PLA2G4F: variants seen among roughly 807,000 people sequenced by gnomAD.
The protein encoded by PLA2G4F is cytosolic phospholipase A2 zeta.
Under a neutral mutation model 103.1 loss-of-function variants are expected in PLA2G4F, and 105 were observed. The observed-to-expected ratio is 1.02, with a 90% CI of 0.87 to 1.20. The LOEUF (loss-of-function observed/expected upper bound fraction) is 1.20, where lower values mean the gene tolerates loss of function less well. Ranked by LOEUF, PLA2G4F falls within the 50% of genes most tolerant of loss-of-function variation. The pLI, the probability that PLA2G4F is intolerant of heterozygous loss-of-function variation, is 0.00. For missense variants in PLA2G4F, 1,155 were observed against 1,075.9 expected (o/e 1.07, Z -1.03); for synonymous variants, 468 against 441.1 (o/e 1.06, Z -0.76).
rs2048852093 is a variant in PLA2G4F at position 42,144,023 on chromosome 15, C to A, written c.2097G>T (p.Val699=). ...AATAGTCAAAGGACAGAATGAGGTC[C>A]ACTGCTCTCTGAGGCAGCAGAGCCA... ...FPLALLPQRA[V]DLILSFDYSL... The change falls in exon 18 of 20, where the codon GTG becomes GTT. Residue 699 remains valine, a synonymous_variant. Transcript: ENST00000397272. The A allele has an allele frequency of 4.3e-6, 7 of 1,613,708 alleles. No homozygotes were observed. The highest frequency in any genetic ancestry group is 5.9e-6 in the Non-Finnish European group (7 of 1,179,902).
chr15:42,153,231 TG>T, intron 6 of PLA2G4F, 68 bp downstream of exon 6: 1 of 1,510,184 alleles, frequency 6.6e-7, no homozygotes, highest in Non-Finnish European at 9.0e-7. Flanking sequence ...CTGGGCCTGA[TG>T]GGCCCTGTCA....
In PLA2G4F at chr15:42,139,797, TCCTGCCC is replaced by T. The variant is rs146852255; in HGVS notation, c.*2180_*2186del. The T allele has an allele frequency of 9.5e-3, 1,453 of 152,870 alleles. 52 individuals are homozygous for T. In the East Asian group the frequency reaches 0.13, roughly 13 times the overall value. The allele number at this position is 152,870 out of a possible 1,614,324, so 9.5% of individuals were successfully genotyped here. A position where few individuals can be genotyped will look rare whatever the true frequency, so the allele number is the denominator to read the frequency against. On this transcript the variant is annotated 3_prime_UTR_variant, in exon 20 of 20. Coordinates refer to ENST00000397272, the MANE Select transcript of PLA2G4F (RefSeq NM_213600.4). ...TCTGGGCCACAGCACTAGCCCAGCC[TCCTGCCC>T]CCTGCCCCCTGCCCTTGATCTTGTC...
intron 8 of PLA2G4F, 23 bp downstream of exon 8, chr15:42,150,585 G>A (rs745569918): frequency 9.4e-6 from 15 of 1,596,768 alleles, no homozygotes; most frequent in East Asian, 6.7e-5. Context: ...TGGATCTACC[G>A]ACCATCCTGG....
intron 11 of PLA2G4F, chr15:42,148,735 G>A (rs1007725938): frequency 1.3e-5 from 13 of 985,412 alleles, no homozygotes; most frequent in African/African-American, 5.2e-5. Flanking sequence ...AGGGGTCAGA[G>A]TCCATGCTTT....
chr15:42,150,636 T>A lies in PLA2G4F; in HGVS notation c.743A>T (p.Glu248Val). 2 of 1,612,626 alleles carry A rather than the reference T, an allele frequency of 1.2e-6. No homozygotes were observed. The highest frequency in any genetic ancestry group is 1.7e-6 in the Non-Finnish European group (2 of 1,179,330). The stretch of plus-strand genomic sequence containing the variant: ...CACAGCTGCCAGCAGCTCCATCAGC[T>A]CCACGTGTAGCCTGGAGCTCAGCAC... ...NPVLSSRLHV[E>V]LMELLAAVQS... The change falls in exon 8 of 20, where the codon GAG (glutamate) becomes GTG (valine). Residue 248 changes from glutamate to valine, a missense_variant. By Grantham distance (121) the Glu-to-Val change is moderately radical (BLOSUM62 -2). This residue lies in a region of PLA2G4F where 370 missense variants were observed against 364.9 expected (regional missense o/e 1.01). Transcript: ENST00000397272.
At position 42,148,033 on chromosome 15, in the gene PLA2G4F, G is replaced by C. The variant is rs2048912551; in HGVS notation, c.1060-271C>G. 2.0e-5 allele frequency among the ~76,000 whole-genome samples: 3 copies of C among 152,074 alleles called. No homozygotes were observed. In the South Asian group the frequency reaches 6.2e-4, roughly 32 times the overall value. On this transcript the variant is annotated intron_variant, in intron 11 of 19. Coordinates refer to ENST00000397272, the MANE Select transcript of PLA2G4F (RefSeq NM_213600.4). Reference sequence around the variant, plus strand: ...CTCTACTAAAACTACAAAAAAATTAGCCGGGCATGGTGGTGGGCGCCTGCC... The same window carrying C: ...CTCTACTAAAACTACAAAAAAATTACCCGGGCATGGTGGTGGGCGCCTGCC...
At chr15:42,155,099 ACATACACACTCACGTT>A (rs930539091) in intron 2 of PLA2G4F, among the ~76,000 whole-genome samples, 17 of 118,884 alleles carry the variant, frequency 1.4e-4, no homozygotes, top group Non-Finnish European at 4.9e-5. Context: ...ACGTATACAC[ACATACACACTCACGTT>A]CACACACACT....
At chr15:42,152,565 C>T (rs2048971458) in intron 7 of PLA2G4F, 123 bp downstream of exon 7, 6 of 1,023,568 alleles carry the variant, frequency 5.9e-6, no homozygotes, top group East Asian at 2.6e-5. Context: ...TCCATCCCAT[C>T]GTTAGTCGGC....
At chr15:42,142,846 G>T in intron 18 of PLA2G4F, 132 bp from the exon 19 acceptor site, 2 of 926,656 alleles carry the variant, frequency 2.2e-6, no homozygotes, top group Non-Finnish European at 3.3e-6. Context: ...GCAGGTGACA[G>T]CTCCTTTCTG....
Position 42,144,154 on chromosome 15 carries a change from AC to A in PLA2G4F, c.1976-11del. 6.3e-7 allele frequency: 1 copy of A among 1,598,564 alleles called. No individual in the cohort carries two copies. Among genetic ancestry groups the A allele is most frequent in the South Asian group, 1.1e-5 (1 of 88,734 alleles). On this transcript the variant is annotated splice_polypyrimidine_tract_variant and intron_variant, in intron 17 of 19. Coordinates refer to ENST00000397272, the MANE Select transcript of PLA2G4F (RefSeq NM_213600.4). ...GCGTCCGGGTGTGTGTCTGCAAGGA[AC>A]CCATGTGTACGCACAGGGACGAATG...
chr15:42,149,807 T>A lies in PLA2G4F; in HGVS notation c.965A>T (p.Asp322Val). The A allele has an allele frequency of 6.2e-7, 1 of 1,614,122 alleles. No homozygotes were observed. The stretch of plus-strand genomic sequence containing the variant: ...CCTGTCCAGAAACTCCTGCTCCCCG[T>A]CAGAGAGGTCAAAGCCAAGGCGTAG... ...LDLRLGFDLSDGEQEFLDRRK... is the reference protein window; with the variant it reads ...LDLRLGFDLSVGEQEFLDRRK... Residue 322 changes from aspartate (D) to valine (V), a missense_variant, in exon 11 of 20, where the codon GAC (aspartate) becomes GTC (valine). By Grantham distance (152) the Asp-to-Val change is radical. Around this residue, in one of 3 missense-constraint regions of PLA2G4F, gnomAD observed 782 missense variants for 692.9 expected, o/e 1.13. Coordinates refer to ENST00000397272, the MANE Select transcript of PLA2G4F (RefSeq NM_213600.4).
chr15:42,148,378 A>G (rs1334812365), intron 11 of PLA2G4F, among the ~76,000 whole-genome samples: 1 of 152,160 alleles, frequency 6.6e-6, no homozygotes, highest in Non-Finnish European at 1.5e-5. Context: ...CCCCAAAATC[A>G]GCTACAGCAG....
chr15:42,151,719 A>G lies in PLA2G4F; in HGVS notation c.602-942T>C, dbSNP rs1324240928. Reference sequence around the variant, plus strand: ...TATTCATGCCAAGGCCTATGGACTGAGATGGAGACGTGCTATTCATAAGAA... The same window carrying G: ...TATTCATGCCAAGGCCTATGGACTGGGATGGAGACGTGCTATTCATAAGAA... On this transcript the variant is annotated intron_variant, in intron 7 of 19. Transcript: ENST00000397272. 3.3e-6 allele frequency: 3 copies of G among 909,796 alleles called. No homozygotes were observed. The African/African-American group carries it at 5.4e-5, about 16-fold the overall frequency. The allele number at this position is 909,796 out of a possible 1,614,324, so 56.4% of individuals were successfully genotyped here.
Position 42,143,991 on chromosome 15 carries a change from T to C in PLA2G4F, c.2129A>G (p.Glu710Gly), listed in dbSNP as rs1304174243. Reference protein sequence around the residue: ...DLILSFDYSLEAPFEVLKMTE... With the variant: ...DLILSFDYSLGAPFEVLKMTE... ...CTCCCAGCTCACCTCAAAAGGGGCT[T>C]CCAAGGAATAGTCAAAGGACAGAAT... The change falls in exon 18 of 20, where the codon GAA becomes GGA. Residue 710 changes from glutamate (E) to glycine (G), a missense_variant. Glu to Gly is a moderately conservative substitution (Grantham distance 98). This residue lies in a region of PLA2G4F where 782 missense variants were observed against 692.9 expected (regional missense o/e 1.13). Coordinates refer to ENST00000397272, the MANE Select transcript of PLA2G4F (RefSeq NM_213600.4). The C allele has an allele frequency of 1.2e-5, 20 of 1,605,728 alleles. No homozygotes were observed. Among genetic ancestry groups the C allele is most frequent in the Non-Finnish European group, 1.7e-5 (20 of 1,175,126 alleles).
intron 2 of PLA2G4F, among the ~76,000 whole-genome samples, chr15:42,154,968 C>T (rs139890704): frequency 2.3e-3 from 347 of 152,204 alleles, no homozygotes; most frequent in African/African-American, 7.7e-3. Flanking sequence ...CACTCATGCA[C>T]GCACACATGT....
rs1012721670 is a variant in PLA2G4F at position 42,154,639 on chromosome 15, C to T, written c.185-181G>A. The T allele has an allele frequency of 1.0e-5, 6 of 597,748 alleles. No homozygotes were observed. The Admixed American group carries it at 1.8e-4, about 18-fold the overall frequency. 37.0% of individuals were successfully genotyped at this position (597,748 alleles called of 1,614,324 possible). A position where few individuals can be genotyped will look rare whatever the true frequency, so the allele number is the denominator to read the frequency against. On this transcript the variant is annotated intron_variant, in intron 2 of 19. Transcript: ENST00000397272. ...TCTTTCACTCCATCTTGATTCCACA[C>T]ACCTCCCATTCACCTGAACAGAAAT... is the stretch of plus-strand genomic sequence containing the variant.
intron 5 of PLA2G4F, 102 bp downstream of exon 5, chr15:42,153,518 C>A: frequency 6.6e-7 from 1 of 1,525,164 alleles, no homozygotes; most frequent in South Asian, 1.2e-5. Flanking sequence ...TGCCTCCAGG[C>A]CAGGCCTCCA....
chr15:42,153,031 G>T (rs2048975697), intron 6 of PLA2G4F, among the ~76,000 whole-genome samples: 1 of 152,232 alleles, frequency 6.6e-6, no homozygotes, highest in Admixed American at 6.5e-5. Flanking sequence ...GAGTTGAGGG[G>T]CCATGACAGT....
chr15:42,150,836 G>T (rs1225027497), intron 7 of PLA2G4F, 59 bp from the exon 8 acceptor site: 10 of 1,557,952 alleles, frequency 6.4e-6, no homozygotes, highest in South Asian at 2.4e-5. Context: ...TGTCTCTGCG[G>T]CTTATGCTGG....
Sources: gnomAD v4.1 joint callset for allele counts (sites outside exome capture counted in the v4.1 genomes callset) on GRCh38, gnomAD v4.1.1 for gene constraint, gnomAD v4.1.1 regional missense constraint, MANE v1.5 for transcripts, NCBI Gene and HGNC (gene_info 2026-07-23, HGNC 2026-07-21) for gene names.